Variants in CDKN2B observed in about 807,000 individuals in gnomAD.
CDKN2B encodes cyclin dependent kinase inhibitor 2B, also known as cyclin-dependent kinase 4 inhibitor B.
A neutral mutation model predicts 7.7 loss-of-function variants in CDKN2B; 8 were observed. The ratio of observed to expected loss-of-function variants is 1.04; its 90% confidence interval spans 0.61 to 1.87. CDKN2B has a LOEUF of 1.87. CDKN2B is among the 40% of genes most tolerant of loss of function. The pLI, the probability that CDKN2B is intolerant of heterozygous loss-of-function variation, is 0.00. For synonymous variants in CDKN2B, 93 were observed against 95.8 expected (o/e 0.97, Z 0.17); for missense variants, 244 against 213.1 (o/e 1.15, Z -0.90).
Position 22,008,892 on chromosome 9 carries a change from G to A in CDKN2B, c.62C>T (p.Ala21Val), listed in dbSNP as rs754200597. The A allele has an allele frequency of 3.1e-6, 5 of 1,612,538 alleles. No individual in the cohort carries two copies. The highest frequency in any genetic ancestry group is 2.2e-5 in the South Asian group (2 of 91,052). ...CTTCTCCACTAGTCCCCGCGCCGCG[G>A]CGCTGGCCAGACCCTCATCGCTGCC... ...GGGSDEGLAS[A>V]AARGLVEKVR... Residue 21 changes from alanine to valine, a missense_variant, in exon 1 of 2, where the codon GCC (alanine) becomes GTC (valine). Coordinates refer to ENST00000276925, the MANE Select transcript of CDKN2B (RefSeq NM_004936.4).
rs572607024 is a variant in CDKN2B at position 22,003,005 on chromosome 9, C to T, written c.*2982G>A. 9 of 202,940 alleles carry T rather than the reference C, an allele frequency of 4.4e-5. No individual in the cohort carries two copies. Among genetic ancestry groups the T allele is most frequent in the African/African-American group, 9.1e-5 (4 of 43,756 alleles). 12.6% of individuals were successfully genotyped at this position (202,940 alleles called of 1,614,324 possible). ...CTTGGTAATGTCTTAGGTTTAGATA[C>T]GAACTTAACAGGTATATTTAATTTT... On this transcript the variant is annotated 3_prime_UTR_variant, in exon 2 of 2. Transcript: ENST00000276925.
chr9:22,006,446 T>A lies in CDKN2B; in HGVS notation c.157-199A>T, dbSNP rs1821193964. ...ACTTTCCCACCCCACCTTCAGGTTA[T>A]ACTCAGTACAAATTAAATGCCATTT... On this transcript the variant is annotated intron_variant, in intron 1 of 1. Coordinates refer to ENST00000276925, the MANE Select transcript of CDKN2B (RefSeq NM_004936.4). This position sits in a 1 kb window ranked among gnomAD's most constrained non-coding sequence, Gnocchi z 6.4. Among the ~76,000 whole-genome samples, 1 of 152,234 alleles carries A rather than the reference T, an allele frequency of 6.6e-6. No individual in the cohort carries two copies. The highest frequency in any genetic ancestry group is 6.5e-5 in the Admixed American group (1 of 15,284).
In CDKN2B at chr9:22,008,899, C is replaced by A; in HGVS notation, c.55G>T (p.Ala19Ser). Residue 19 changes from alanine to serine, a missense_variant, in exon 1 of 2, where the codon GCC becomes TCC. Coordinates refer to ENST00000276925, the MANE Select transcript of CDKN2B (RefSeq NM_004936.4). ...PSGGGSDEGL[A>S]SAAARGLVEK... Reference sequence around the variant, plus strand: ...ACTAGTCCCCGCGCCGCGGCGCTGGCCAGACCCTCATCGCTGCCGCCCCCA... The same window carrying A: ...ACTAGTCCCCGCGCCGCGGCGCTGGACAGACCCTCATCGCTGCCGCCCCCA... 6.2e-7 allele frequency: 1 copy of A among 1,612,868 alleles called. No homozygotes were observed. Among genetic ancestry groups the A allele is most frequent in the South Asian group, 1.1e-5 (1 of 91,058 alleles).
At position 22,003,750 on chromosome 9, in the gene CDKN2B, T is replaced by G. The variant is rs1563911413; in HGVS notation, c.*2237A>C. 1 of 230,818 alleles carries G rather than the reference T, an allele frequency of 4.3e-6. No individual in the cohort carries two copies. The highest frequency in any genetic ancestry group is 8.6e-6 in the Non-Finnish European group (1 of 116,792). 14.3% of individuals were successfully genotyped at this position (230,818 alleles called of 1,614,324 possible). ...AAAATTTGGGTTTTTATAGGTGTGT[T>G]GGGGGGGGTTATTCTCCATATTGTT... On this transcript the variant is annotated 3_prime_UTR_variant, in exon 2 of 2. Coordinates refer to ENST00000276925, the MANE Select transcript of CDKN2B (RefSeq NM_004936.4).
intron 1 of CDKN2B, 25 bp downstream of exon 1, chr9:22,008,773 G>A (rs1375230866): frequency 1.9e-6 from 3 of 1,608,822 alleles, no homozygotes; most frequent in Admixed American, 1.7e-5. Context: ...GCCCCCTGCC[G>A]GCGAGGCCCT....
Position 22,009,153 on chromosome 9 carries a change from G to C in CDKN2B, c.-200C>G, listed in dbSNP as rs1353875524. 17 of 689,900 alleles carry C rather than the reference G, an allele frequency of 2.5e-5. No individual in the cohort carries two copies. The highest frequency in any genetic ancestry group is 2.7e-5 in the Non-Finnish European group (11 of 405,230). 42.7% of individuals were successfully genotyped at this position (689,900 alleles called of 1,614,324 possible). ...GCCGAGCGGCCGGTCGTTAGCTCCGGGCTTTTCCTGGCGCTCAAGAACCAG... is the reference window on the plus strand; with the variant it reads ...GCCGAGCGGCCGGTCGTTAGCTCCGCGCTTTTCCTGGCGCTCAAGAACCAG... On this transcript the variant is annotated 5_prime_UTR_variant, in exon 1 of 2. Coordinates refer to ENST00000276925, the MANE Select transcript of CDKN2B (RefSeq NM_004936.4).
intron 1 of CDKN2B, among the ~76,000 whole-genome samples, chr9:22,007,231 G>T (rs1821232603): frequency 6.6e-6 from 1 of 152,062 alleles, no homozygotes; most frequent in Non-Finnish European, 1.5e-5. Flanking sequence ...GCATGGTGGG[G>T]CGTGCCTGTA....
Position 22,009,239 on chromosome 9 carries a change from G to C in CDKN2B, c.-286C>G, listed in dbSNP as rs1821367703. 1.8e-6 allele frequency: 1 copy of C among 559,134 alleles called. No homozygotes were observed. The highest frequency in any genetic ancestry group is 1.9e-5 in the African/African-American group (1 of 53,060). The allele number at this position is 559,134 out of a possible 1,614,324, so 34.6% of individuals were successfully genotyped here. ...TAGCGCGGACGCAGCCGAGCTCAAAGCCGCTCTGGCCGCAGGGTGCGGACG... is the reference window on the plus strand; with the variant it reads ...TAGCGCGGACGCAGCCGAGCTCAAACCCGCTCTGGCCGCAGGGTGCGGACG... On this transcript the variant is annotated 5_prime_UTR_variant, in exon 1 of 2. Transcript: ENST00000276925.
Position 22,003,887 on chromosome 9 carries a change from TAA to T in CDKN2B, c.*2098_*2099del, listed in dbSNP as rs890483419. 21 of 232,320 alleles carry T rather than the reference TAA, an allele frequency of 9.0e-5. No homozygotes were observed. In the East Asian group the frequency reaches 1.0e-3, roughly 11 times the overall value. The allele number at this position is 232,320 out of a possible 1,614,324, so 14.4% of individuals were successfully genotyped here. On this transcript the variant is annotated 3_prime_UTR_variant, in exon 2 of 2. Coordinates refer to ENST00000276925, the MANE Select transcript of CDKN2B (RefSeq NM_004936.4). ...ATCATTGTGTATTTCTGCTTTTTTT[TAA>T]AAAAAGTTATCTTCATGTGTATCAT...
At position 22,006,160 on chromosome 9, in the gene CDKN2B, G is replaced by C; in HGVS notation, c.244C>G (p.Arg82Gly). 2 of 1,611,626 alleles carry C rather than the reference G, an allele frequency of 1.2e-6. No homozygotes were observed. Among genetic ancestry groups the C allele is most frequent in the Non-Finnish European group, 1.7e-6 (2 of 1,179,884 alleles). ...PNCADPATLT[R>G]PVHDAAREGF... The stretch of plus-strand genomic sequence containing the variant: ...TCCCGGGCAGCATCATGCACCGGTC[G>C]GGTGAGAGTGGCAGGGTCTGCGCAG... Residue 82 changes from arginine to glycine, a missense_variant, in exon 2 of 2, where the codon CGA (arginine) becomes GGA (glycine). By Grantham distance (125) the Arg-to-Gly change is moderately radical. Transcript: ENST00000276925. The surrounding 1 kb of genome is among the most constrained non-coding windows in gnomAD (Gnocchi z 6.4).
Position 22,003,061 on chromosome 9 carries a change from C to A in CDKN2B, c.*2926G>T, listed in dbSNP as rs181736450. On this transcript the variant is annotated 3_prime_UTR_variant, in exon 2 of 2. Coordinates refer to ENST00000276925, the MANE Select transcript of CDKN2B (RefSeq NM_004936.4). Reference sequence around the variant, plus strand: ...TTCCACAATGGAGCTAGAAGCAGGACTCATGAAAATAGTAACTATATGTTT... The same window carrying A: ...TTCCACAATGGAGCTAGAAGCAGGAATCATGAAAATAGTAACTATATGTTT... 2 of 212,564 alleles carry A rather than the reference C, an allele frequency of 9.4e-6. No individual in the cohort carries two copies. The highest frequency in any genetic ancestry group is 1.2e-4 in the Admixed American group (2 of 17,080). The allele number at this position is 212,564 out of a possible 1,614,324, so 13.2% of individuals were successfully genotyped here.
Position 22,009,044 on chromosome 9 carries a change from G to A in CDKN2B, c.-91C>T, listed in dbSNP as rs150655569. 512 of 1,575,644 alleles carry A rather than the reference G, an allele frequency of 3.2e-4. 4 individuals are homozygous for A. The South Asian group carries it at 5.2e-3, about 16-fold the overall frequency. ...TTCCCTTCTTTCCCACGCTGCTCCG[G>A]CGCACTCTCTCCTTCCTAGGAGACC... On this transcript the variant is annotated 5_prime_UTR_variant, in exon 1 of 2. Transcript: ENST00000276925.
rs369983875 is a variant in CDKN2B, at chr9:22,008,833, T to A, written c.121A>T (p.Asn41Tyr). Reference protein sequence around the residue: ...RQLLEAGADPNGVNRFGRRAI... With the variant: ...RQLLEAGADPYGVNRFGRRAI... ...CGCCTCCCGAAACGGTTGACTCCGT[T>A]GGGATCCGCGCCGGCTTCCAGGAGC... The change falls in exon 1 of 2, where the codon AAC becomes TAC. Residue 41 changes from asparagine to tyrosine, a missense_variant. Physicochemically the swap from Asn to Tyr is moderately radical, Grantham distance 143. Coordinates refer to ENST00000276925, the MANE Select transcript of CDKN2B (RefSeq NM_004936.4). 2 of 1,608,860 alleles carry A rather than the reference T, an allele frequency of 1.2e-6. No individual in the cohort carries two copies. The highest frequency in any genetic ancestry group is 1.7e-6 in the Non-Finnish European group (2 of 1,177,890).
rs779465219 is a variant in CDKN2B at position 22,008,902 on chromosome 9, G to A, written c.52C>T (p.Leu18=). The change falls in exon 1 of 2, where the codon CTG becomes TTG. Residue 18 remains leucine, a synonymous_variant. Transcript: ENST00000276925. ...AGTCCCCGCGCCGCGGCGCTGGCCA[G>A]ACCCTCATCGCTGCCGCCCCCACTG... ...MPSGGGSDEG[L]ASAAARGLVE... 1.2e-6 allele frequency: 2 copies of A among 1,612,878 alleles called. No individual in the cohort carries two copies. The highest frequency in any genetic ancestry group is 1.7e-6 in the Non-Finnish European group (2 of 1,179,878).
In CDKN2B at chr9:22,006,218, C is replaced by T. The variant is rs759975176; in HGVS notation, c.186G>A (p.Ala62=). The T allele has an allele frequency of 3.1e-6, 5 of 1,607,514 alleles. No individual in the cohort carries two copies. Among genetic ancestry groups the T allele is most frequent in the African/African-American group, 2.7e-5 (2 of 74,942 alleles). Residue 62 remains alanine (A), a synonymous_variant, in exon 2 of 2, where the codon GCG becomes GCA. Coordinates refer to ENST00000276925, the MANE Select transcript of CDKN2B (RefSeq NM_004936.4). The surrounding 1 kb of genome is among the most constrained non-coding windows in gnomAD (Gnocchi z 6.4). ...QVMMMGSARV[A]ELLLLHGAEP... is the part of the protein sequence containing the mutation. Reference sequence around the variant, plus strand: ...CCGCGCCGTGGAGCAGCAGCAGCTCCGCCACGCGGGCGCTGCCCATCATCA... The same window carrying T: ...CCGCGCCGTGGAGCAGCAGCAGCTCTGCCACGCGGGCGCTGCCCATCATCA...
Position 22,005,647 on chromosome 9 carries a change from C to G in CDKN2B, c.*340G>C. 1 of 467,832 alleles carries G rather than the reference C, an allele frequency of 2.1e-6. No homozygotes were observed. The highest frequency in any genetic ancestry group is 2.2e-5 in the South Asian group (1 of 45,820). The allele number at this position is 467,832 out of a possible 1,614,324, so 29.0% of individuals were successfully genotyped here. On this transcript the variant is annotated 3_prime_UTR_variant, in exon 2 of 2. Coordinates refer to ENST00000276925, the MANE Select transcript of CDKN2B (RefSeq NM_004936.4). This position sits in a 1 kb window ranked among gnomAD's most constrained non-coding sequence, Gnocchi z 4.9. ...TGGGAGATTCATCCATCGGAAGATT[C>G]GTAGCCACCAGGTCCAGTCAAGGAT...
chr9:22,004,200 A>G lies in CDKN2B; in HGVS notation c.*1787T>C. ...TAACATATGCTCTGATTCTCAACTA[A>G]CTTTCCCCAGTAATATGTTCATTTT... is the stretch of plus-strand genomic sequence containing the variant. On this transcript the variant is annotated 3_prime_UTR_variant, in exon 2 of 2. Transcript: ENST00000276925. 1 of 232,506 alleles carries G rather than the reference A, an allele frequency of 4.3e-6. No individual in the cohort carries two copies. The highest frequency in any genetic ancestry group is 6.1e-5 in the East Asian group (1 of 16,384). The allele number at this position is 232,506 out of a possible 1,614,324, so 14.4% of individuals were successfully genotyped here. A position where few individuals can be genotyped will look rare whatever the true frequency, so the allele number is the denominator to read the frequency against.
chr9:22,008,799 T>C lies in CDKN2B; in HGVS notation c.155A>G (p.Gln52Arg), dbSNP rs769168016. ...GVNRFGRRAI[Q>R]VMMMGSARVA... Reference sequence around the variant, plus strand: ...GCGAGGCCCTGGGGCCCCAGCTACCTGGATCGCGCGCCTCCCGAAACGGTT... The same window carrying C: ...GCGAGGCCCTGGGGCCCCAGCTACCCGGATCGCGCGCCTCCCGAAACGGTT... The change falls in exon 1 of 2, where the codon CAG becomes CGG. Residue 52 changes from glutamine to arginine, a missense_variant and splice_region_variant. Coordinates refer to ENST00000276925, the MANE Select transcript of CDKN2B (RefSeq NM_004936.4). The C allele has an allele frequency of 2.5e-6, 4 of 1,605,368 alleles. No homozygotes were observed. The highest frequency in any genetic ancestry group is 3.4e-6 in the Non-Finnish European group (4 of 1,175,744).
rs79203451 is a variant in CDKN2B at position 22,003,719 on chromosome 9, G to A, written c.*2268C>T. The A allele has an allele frequency of 8.6e-6, 2 of 231,578 alleles. No homozygotes were observed. Among genetic ancestry groups the A allele is most frequent in the Admixed American group, 1.1e-4 (2 of 17,730 alleles). 14.3% of individuals were successfully genotyped at this position (231,578 alleles called of 1,614,324 possible). A position where few individuals can be genotyped will look rare whatever the true frequency, so the allele number is the denominator to read the frequency against. ...TGAAAATGGAGGTTCCATTATCTTTGTTCCAAAAATTTGGGTTTTTATAGG... is the reference window on the plus strand; with the variant it reads ...TGAAAATGGAGGTTCCATTATCTTTATTCCAAAAATTTGGGTTTTTATAGG... On this transcript the variant is annotated 3_prime_UTR_variant, in exon 2 of 2. Transcript: ENST00000276925.
Sources: allele counts gnomAD v4.1 joint callset (sites outside exome capture counted in the v4.1 genomes callset), GRCh38; gene constraint gnomAD v4.1.1; non-coding constraint Gnocchi (gnomAD v3.1); transcripts MANE v1.5; gene names NCBI Gene and HGNC (gene_info 2026-07-23, HGNC 2026-07-21).